SEMA3A: variants seen among roughly 807,000 people sequenced by gnomAD.
SEMA3A encodes semaphorin 3A, also known as semaphorin-3A.
In SEMA3A, 29 loss-of-function variants were observed where a neutral mutation model predicts 97.9. The observed-to-expected ratio is 0.30, with a 90% CI of 0.22 to 0.40. The LOEUF (loss-of-function observed/expected upper bound fraction) is 0.40. SEMA3A is among the 10% of genes least tolerant of loss of function. SEMA3A has a pLI of 1.00. For missense variants in SEMA3A, 763 were observed against 951.3 expected, an observed-to-expected ratio of 0.80 and a Z score of 2.60; for synonymous variants, 321 against 323.7, an observed-to-expected ratio of 0.99 and a Z score of 0.09.
intron 3 of SEMA3A, among the ~76,000 whole-genome samples, chr7:84,256,219 A>G (rs1012794104): frequency 3.3e-5 from 5 of 152,098 alleles, no homozygotes; most frequent in African/African-American, 7.2e-5. Context: ...CTAGTAGTCA[A>G]TAAGTGGTAT....
intron 1 of SEMA3A, among the ~76,000 whole-genome samples, chr7:84,156,772 A>T (rs1796858822): frequency 6.6e-6 from 1 of 152,158 alleles, no homozygotes; most frequent in Non-Finnish European, 1.5e-5. Context: ...CGAAAGTCAA[A>T]GTCCTCTAGC....
intron 1 of SEMA3A, among the ~76,000 whole-genome samples, chr7:84,179,895 T>C (rs1797685594): frequency 6.7e-6 from 1 of 148,864 alleles, no homozygotes; most frequent in Admixed American, 6.8e-5. Context: ...CTCACATATT[T>C]GAGTTTTCTC....
chr7:84,390,051 G>A (rs1232165684), intron 1 of SEMA3A, among the ~76,000 whole-genome samples: 1 of 151,910 alleles, frequency 6.6e-6, no homozygotes, highest in Non-Finnish European at 1.5e-5. Context: ...GTTTCCACAT[G>A]GTGACATATT....
At chr7:84,439,634 A>G (rs1395926563) in intron 1 of SEMA3A, among the ~76,000 whole-genome samples, 1 of 152,218 alleles carries the variant, frequency 6.6e-6, no homozygotes, top group African/African-American at 2.4e-5. Flanking sequence ...GCCACCCACT[A>G]AGAAGATTTA....
intron 4 of SEMA3A, among the ~76,000 whole-genome samples, chr7:84,078,054 CTT>C (rs2115783683): frequency 6.6e-6 from 1 of 152,072 alleles, no homozygotes; most frequent in South Asian, 2.1e-4. Context: ...TGGAGAAACA[CTT>C]TGAAGAAAAT....
At chr7:84,119,415 T>C (rs1281524610) in intron 3 of SEMA3A, among the ~76,000 whole-genome samples, 1 of 152,166 alleles carries the variant, frequency 6.6e-6, no homozygotes, top group Admixed American at 6.6e-5. Context: ...CTGTTTTCCA[T>C]GCTACCAACT....
At chr7:84,483,697 G>C (rs918497985) in intron 1 of SEMA3A, among the ~76,000 whole-genome samples, 4 of 151,972 alleles carry the variant, frequency 2.6e-5, no homozygotes, top group Non-Finnish European at 5.9e-5. Context: ...AGTTGTTAAG[G>C]AAAGTTTTCA....
chr7:83,971,179 C>G (rs1301514856), intron 15 of SEMA3A, among the ~76,000 whole-genome samples: 3 of 152,156 alleles, frequency 2.0e-5, no homozygotes, highest in Non-Finnish European at 4.4e-5. Flanking sequence ...AACTCCAGCA[C>G]TTTGGGAGGC....
intron 3 of SEMA3A, among the ~76,000 whole-genome samples, chr7:84,292,995 A>G (rs1201883344): frequency 6.6e-6 from 1 of 152,112 alleles, no homozygotes; most frequent in East Asian, 1.9e-4. Flanking sequence ...ATTACATTAT[A>G]TAGAAGTAGA....
intron 4 of SEMA3A, among the ~76,000 whole-genome samples, chr7:84,063,133 T>G (rs1793319831): frequency 6.6e-6 from 1 of 151,946 alleles, no homozygotes; most frequent in Admixed American, 6.6e-5. Flanking sequence ...GCAACCTAAC[T>G]GTGAGGCACC....
intron 1 of SEMA3A, among the ~76,000 whole-genome samples, chr7:84,150,398 C>T (rs994400938): frequency 2.0e-5 from 3 of 152,136 alleles, no homozygotes; most frequent in Non-Finnish European, 2.9e-5. Flanking sequence ...GTGCGCGAGC[C>T]GAAGCAGGGC....
chr7:84,192,808 T>A (rs1318465508), intron 1 of SEMA3A, among the ~76,000 whole-genome samples: 1 of 151,948 alleles, frequency 6.6e-6, no homozygotes, highest in Non-Finnish European at 1.5e-5. Flanking sequence ...ATATCATGAT[T>A]TTAAACTTGT....
intron 3 of SEMA3A, among the ~76,000 whole-genome samples, chr7:84,285,758 T>C (rs527507524): frequency 6.6e-6 from 1 of 152,034 alleles, no homozygotes; most frequent in South Asian, 2.1e-4. Context: ...CTGGGCAACA[T>C]AGTGAAACCT....
chr7:84,193,494 C>A (rs551118400), intron 1 of SEMA3A, among the ~76,000 whole-genome samples: 3 of 152,074 alleles, frequency 2.0e-5, no homozygotes, highest in Admixed American at 6.6e-5. Flanking sequence ...GAAATCAACA[C>A]CTTAGGGAGT....
chr7:84,226,265 G>T (rs1798988869), intron 3 of SEMA3A, among the ~76,000 whole-genome samples: 1 of 151,970 alleles, frequency 6.6e-6, no homozygotes, highest in African/African-American at 2.4e-5. Flanking sequence ...CAGAAAAGGT[G>T]TCAGAAATCA....
chr7:84,441,692 T>G (rs1049664074), intron 1 of SEMA3A, among the ~76,000 whole-genome samples: 3 of 152,126 alleles, frequency 2.0e-5, no homozygotes, highest in Non-Finnish European at 2.9e-5. Context: ...GTCAATGAAC[T>G]TCAAATGTGA....
chr7:84,031,631 C>G (rs895989369), intron 6 of SEMA3A, among the ~76,000 whole-genome samples: 1 of 151,702 alleles, frequency 6.6e-6, no homozygotes, highest in Non-Finnish European at 1.5e-5. Flanking sequence ...GTTGGGAGTT[C>G]GAGACTAGCC....
chr7:84,349,045 G>C (rs929078567), intron 2 of SEMA3A, among the ~76,000 whole-genome samples: 2 of 152,152 alleles, frequency 1.3e-5, no homozygotes, highest in Non-Finnish European at 2.9e-5. Context: ...GTGTGTACAT[G>C]TGTGAGTTTC....
chr7:84,466,527 G>T (rs979950213), intron 1 of SEMA3A, among the ~76,000 whole-genome samples: 1 of 152,132 alleles, frequency 6.6e-6, no homozygotes, highest in African/African-American at 2.4e-5. Context: ...CTTATCCATG[G>T]AAGCAAATTC....
Sources: allele counts gnomAD v4.1 joint callset (sites outside exome capture counted in the v4.1 genomes callset), GRCh38; gene constraint gnomAD v4.1.1; transcripts MANE v1.5; gene names NCBI Gene and HGNC (gene_info 2026-07-23, HGNC 2026-07-21).